Variants in SNRNP35 observed in about 807,000 individuals in gnomAD.
The protein encoded by SNRNP35 is small nuclear ribonucleoprotein U11/U12 subunit 35, also known as U11/U12 small nuclear ribonucleoprotein 35 kDa protein.
SNRNP35 carries 16 observed loss-of-function variants against 24.3 expected under a neutral mutation model. That is an observed-to-expected ratio of 0.66 (90% CI 0.45 to 1.00). The LOEUF is 1.00. SNRNP35 is among the 50% of genes least tolerant of loss of function. The probability of loss-of-function intolerance (pLI) is 0.00; values close to 1 mark genes in which losing one functional copy is unlikely to be tolerated. For missense variants in SNRNP35, 292 were observed against 327.2 expected (o/e 0.89, Z 0.83); for synonymous variants, 106 against 124.8 (o/e 0.85, Z 1.00).
chr12:123,460,639 C>T (rs570765393), intron 1 of SNRNP35, among the ~76,000 whole-genome samples: 4 of 139,170 alleles, frequency 2.9e-5, no homozygotes, highest in Admixed American at 7.5e-5. Context: ...GGTATGGTGG[C>T]GCATAGTGAG....
chr12:123,472,469 C>T, exon 2 of SNRNP35: 1 of 1,532,946 alleles, frequency 6.5e-7, no homozygotes, highest in Non-Finnish European at 8.8e-7. Context: ...GCAATGACCC[C>T]TGGGCTGCAG....
chr12:123,465,869 G>A lies in SNRNP35; in HGVS notation c.329G>A (p.Arg110Gln), dbSNP rs376923282. Reference sequence around the variant, plus strand: ...GAGCGTGCCGTGATCAAAGCTTACCGAGATGCTGATGGCCTGGTTATTGAC... The same window carrying A: ...GAGCGTGCCGTGATCAAAGCTTACCAAGATGCTGATGGCCTGGTTATTGAC... ...KEERAVIKAYRDADGLVIDQH... is the reference protein window; with the variant it reads ...KEERAVIKAYQDADGLVIDQH... Residue 110 changes from arginine to glutamine, a missense_variant, in exon 2 of 2, where the codon CGA becomes CAA. By Grantham distance (43) the Arg-to-Gln change is conservative. Coordinates refer to ENST00000526639, the MANE Select transcript of SNRNP35 (RefSeq NM_022717.4). This position sits in a 1 kb window ranked among gnomAD's most constrained non-coding sequence, Gnocchi z 4.2. 19 of 1,613,936 alleles carry A rather than the reference G, an allele frequency of 1.2e-5. No individual in the cohort carries two copies. The African/African-American group carries it at 1.7e-4, about 15-fold the overall frequency.
At chr12:123,461,689 G>A (rs1359657493) in intron 1 of SNRNP35, among the ~76,000 whole-genome samples, 1 of 151,330 alleles carries the variant, frequency 6.6e-6, no homozygotes, top group Non-Finnish European at 1.5e-5. Flanking sequence ...CAATGATCAG[G>A]TTTGCCTGAT....
chr12:123,472,758 G>T, exon 2 of SNRNP35: 1 of 1,488,360 alleles, frequency 6.7e-7, no homozygotes, highest in Non-Finnish European at 9.1e-7. Context: ...CAATGCCGGA[G>T]ACATATAGCA....
rs560287298 is a variant in SNRNP35, at chr12:123,466,092, G to C, written c.552G>C (p.Arg184=). 6.2e-7 allele frequency: 1 copy of C among 1,612,880 alleles called. No homozygotes were observed. The highest frequency in any genetic ancestry group is 8.5e-7 in the Non-Finnish European group (1 of 1,179,596). Reference sequence around the variant, plus strand: ...ATAGAGAGGGAAAACGGGAAAGGCGGGAGCGATCTCGATCCCGAGAAAGAC... The same window carrying C: ...ATAGAGAGGGAAAACGGGAAAGGCGCGAGCGATCTCGATCCCGAGAAAGAC... ...DLYREGKRER[R]ERSRSRERHW... Residue 184 remains arginine (R), a synonymous_variant, in exon 2 of 2, where the codon CGG becomes CGC. Transcript: ENST00000526639.
rs35255989 is a variant in SNRNP35, at chr12:123,460,602, CAAA to C, written c.-4+2406_-4+2408del. Among the ~76,000 whole-genome samples the C allele has an allele frequency of 1.1e-3, 88 of 78,662 alleles. No individual in the cohort carries two copies. In the East Asian group the frequency reaches 0.033, roughly 29 times the overall value. The allele number at this position is 78,662 out of a possible 152,430, so 51.6% of individuals were successfully genotyped here. Reference sequence around the variant, plus strand: ...GCAATATAGTGAGACCCCATCTCTACAAAAAAAAAAAAAAAAAAAAAAGCTGGG... The same window carrying C: ...GCAATATAGTGAGACCCCATCTCTACAAAAAAAAAAAAAAAAAAAGCTGGG... On this transcript the variant is annotated intron_variant, in intron 1 of 1. Coordinates refer to ENST00000526639, the MANE Select transcript of SNRNP35 (RefSeq NM_022717.4).
At chr12:123,471,955 G>A (rs1881215992) in exon 2 of SNRNP35, 1 of 153,478 alleles carries the variant, frequency 6.5e-6, no homozygotes, top group African/African-American at 2.4e-5. Flanking sequence ...GTTGTCTCCA[G>A]TTTCTGGGTA....
intron 1 of SNRNP35, among the ~76,000 whole-genome samples, chr12:123,462,042 G>A (rs1880663687): frequency 6.6e-6 from 1 of 152,200 alleles, no homozygotes; most frequent in South Asian, 2.1e-4. Context: ...TTTGATCAGA[G>A]TTGGTTCAGT....
At chr12:123,470,813 A>G (rs1029193159), downstream of SNRNP35, 1 of 152,210 alleles carries the variant, frequency 6.6e-6, no homozygotes, top group Non-Finnish European at 1.5e-5. Flanking sequence ...TGTTTAGGAA[A>G]GATAACCAAG....
At chr12:123,460,126 C>T (rs902679312) in intron 1 of SNRNP35, among the ~76,000 whole-genome samples, 3 of 152,112 alleles carry the variant, frequency 2.0e-5, no homozygotes, top group Non-Finnish European at 4.4e-5. Flanking sequence ...GCCACTGCAC[C>T]GGGCCCCTTG....
In SNRNP35 at chr12:123,465,419, T is replaced by C. The variant is rs1435278344; in HGVS notation, c.-3-119T>C. The C allele has an allele frequency of 7.9e-7, 1 of 1,265,636 alleles. No individual in the cohort carries two copies. Among genetic ancestry groups the C allele is most frequent in the Middle Eastern group, 2.7e-4 (1 of 3,646 alleles). 78.4% of individuals were successfully genotyped at this position (1,265,636 alleles called of 1,614,324 possible). A position where few individuals can be genotyped will look rare whatever the true frequency, so the allele number is the denominator to read the frequency against. On this transcript the variant is annotated intron_variant, in intron 1 of 1. Coordinates refer to ENST00000526639, the MANE Select transcript of SNRNP35 (RefSeq NM_022717.4). This position sits in a 1 kb window ranked among gnomAD's most constrained non-coding sequence, Gnocchi z 4.2. Reference sequence around the variant, plus strand: ...GGACTTAGCCTCTGTGGGTGTTCCCTTCCTTTCCTGTTTTTAAGAAGAGGT... The same window carrying C: ...GGACTTAGCCTCTGTGGGTGTTCCCCTCCTTTCCTGTTTTTAAGAAGAGGT...
chr12:123,458,769 G>C (rs1028345742), intron 1 of SNRNP35, among the ~76,000 whole-genome samples: 3 of 151,386 alleles, frequency 2.0e-5, no homozygotes, highest in Non-Finnish European at 4.4e-5. Context: ...CTAATTTTTT[G>C]TATTTTACTG....
rs769788362 is a variant in SNRNP35, at chr12:123,459,914, G to C, written c.-4+1698G>C. 29 of 1,490,482 alleles carry C rather than the reference G, an allele frequency of 1.9e-5. No individual in the cohort carries two copies. The Middle Eastern group carries it at 8.5e-4, about 44-fold the overall frequency. The allele number at this position is 1,490,482 out of a possible 1,614,324, so 92.3% of individuals were successfully genotyped here. Reference sequence around the variant, plus strand: ...ATGAAACCAGCTGTTAGTATCTATAGAAGCATGCAGATGAGAGAGAGAACA... The same window carrying C: ...ATGAAACCAGCTGTTAGTATCTATACAAGCATGCAGATGAGAGAGAGAACA... On this transcript the variant is annotated intron_variant, in intron 1 of 1. Transcript: ENST00000526639.
Position 123,472,825 on chromosome 12 carries a change from A to G in SNRNP35, n.1832A>G, listed in dbSNP as rs1881290411. 3 of 814,450 alleles carry G rather than the reference A, an allele frequency of 3.7e-6. No homozygotes were observed. The African/African-American group carries it at 5.2e-5, about 14-fold the overall frequency. The allele number at this position is 814,450 out of a possible 1,614,324, so 50.5% of individuals were successfully genotyped here. On this transcript the variant is annotated non_coding_transcript_exon_variant, in exon 2 of 2. Coordinates refer to the SNRNP35 transcript ENST00000527158. ...GTGTGAAAGACAAAGTTGGGGGTGC[A>G]GGTCAAAGTTATTCCAAGAAAGCAG...
downstream of SNRNP35, among the ~76,000 whole-genome samples, chr12:123,467,431 A>G (rs1439617182): frequency 6.6e-6 from 1 of 152,244 alleles, no homozygotes; most frequent in Non-Finnish European, 1.5e-5. Context: ...GTCAGGATCT[A>G]TGAAAGAATT....
intron 1 of SNRNP35, among the ~76,000 whole-genome samples, chr12:123,460,899 C>T (rs1176745241): frequency 6.6e-6 from 1 of 151,158 alleles, no homozygotes; most frequent in Non-Finnish European, 1.5e-5. Context: ...TTCAGGCAAT[C>T]TGCCCACTTT....
chr12:123,461,989 G>C (rs1453120140), intron 1 of SNRNP35, among the ~76,000 whole-genome samples: 1 of 152,254 alleles, frequency 6.6e-6, no homozygotes, highest in Admixed American at 6.5e-5. Flanking sequence ...CAAGATGCTG[G>C]GATTACTGGC....
downstream of SNRNP35, chr12:123,471,755 CTT>C (rs1881202603): frequency 1.3e-5 from 2 of 152,608 alleles, no homozygotes; most frequent in South Asian, 4.1e-4. Context: ...AAGTATATGA[CTT>C]AATGAATCCT....
downstream of SNRNP35, chr12:123,470,325 T>G (rs1263286775): frequency 6.6e-6 from 1 of 150,738 alleles, no homozygotes; most frequent in African/African-American, 2.4e-5. Context: ...AAAAAATAAT[T>G]AGCTGGGCAT....
Sources: gnomAD v4.1 joint callset for allele counts (sites outside exome capture counted in the v4.1 genomes callset) on GRCh38, gnomAD v4.1.1 for gene constraint, Gnocchi (gnomAD v3.1) non-coding constraint, MANE v1.5 for transcripts, NCBI Gene and HGNC (gene_info 2026-07-23, HGNC 2026-07-21) for gene names.